LIME1: variants seen among roughly 807,000 people sequenced by gnomAD.
The protein encoded by LIME1 is Lck interacting transmembrane adaptor 1.
In LIME1, 23 loss-of-function variants were observed where a neutral mutation model predicts 18.8. The ratio of observed to expected loss-of-function variants is 1.22; its 90% CI spans 0.88 to 1.73. The LOEUF is 1.73. Among genes scored for constraint, LIME1 ranks in the 40% most tolerant of loss-of-function variants. The pLI is 0.00. For synonymous variants in LIME1, 177 were observed against 182.3 expected (o/e 0.97, Z 0.23); for missense variants, 423 against 396.8 (o/e 1.07, Z -0.56).
At chr20:63,737,767 C>A in intron 2 of LIME1, 54 bp from the exon 3 acceptor site, 1 of 1,419,670 alleles carries the variant, frequency 7.0e-7, no homozygotes, top group East Asian at 2.6e-5. Context: ...CTGCACCGGG[C>A]CTTGGACCCG....
chr20:63,738,529 G>A, intron 5 of LIME1, 30 bp downstream of exon 5: 1 of 1,508,294 alleles, frequency 6.6e-7, no homozygotes. Flanking sequence ...GGCGCTGTGG[G>A]TGGGGCCGGC....
intron 1 of LIME1, 192 bp downstream of exon 1, chr20:63,736,904 C>G (rs556135635): frequency 5.1e-6 from 5 of 985,764 alleles, no homozygotes; most frequent in Admixed American, 6.1e-5. Flanking sequence ...TCCCCCACCC[C>G]GAGAAGTTCT....
At position 63,737,877 on chromosome 20, in the gene LIME1, A is replaced by G. The variant is rs572847837; in HGVS notation, c.155A>G (p.Gln52Arg). ...KRARRQRARL[Q>R]GSATAAEASL... ...GCGCGGAGGCAGCGGGCGAGGCTGC[A>G]GGGCAGTGCGACGGCGGCGGAAGCG... The change falls in exon 3 of 6, where the codon CAG (glutamine) becomes CGG (arginine). Residue 52 changes from glutamine (Q) to arginine (R), a missense_variant. By Grantham distance (43) the Gln-to-Arg change is conservative (BLOSUM62 1). Transcript: ENST00000309546. The G allele has an allele frequency of 6.3e-7, 1 of 1,579,838 alleles. No homozygotes were observed. The highest frequency in any genetic ancestry group is 8.6e-7 in the Non-Finnish European group (1 of 1,168,502).
chr20:63,738,553 G>A (rs1394417360), intron 5 of LIME1, 45 bp from the exon 6 acceptor site: 1 of 1,517,166 alleles, frequency 6.6e-7, no homozygotes, highest in African/African-American at 1.4e-5. Flanking sequence ...TCCTCAGCAG[G>A]TTGGATGGTG....
At position 63,737,917 on chromosome 20, in the gene LIME1, G is replaced by A. The variant is rs748977087; in HGVS notation, c.180+15G>A. The A allele has an allele frequency of 1.9e-6, 3 of 1,580,146 alleles. No homozygotes were observed. The highest frequency in any genetic ancestry group is 2.6e-6 in the Non-Finnish European group (3 of 1,164,808). Reference sequence around the variant, plus strand: ...CGGCGGAAGCGGTGAGTGCCAGGCTGTCCCGGGGACCAGGGTGGGGTCCGC... The same window carrying A: ...CGGCGGAAGCGGTGAGTGCCAGGCTATCCCGGGGACCAGGGTGGGGTCCGC... On this transcript the variant is annotated intron_variant, in intron 3 of 5. Coordinates refer to ENST00000309546, the MANE Select transcript of LIME1 (RefSeq NM_017806.4).
chr20:63,738,390 C>A lies in LIME1; in HGVS notation c.476C>A (p.Ala159Glu), dbSNP rs1158200394. The A allele has an allele frequency of 6.4e-7, 1 of 1,555,178 alleles. No individual in the cohort carries two copies. The highest frequency in any genetic ancestry group is 8.7e-7 in the Non-Finnish European group (1 of 1,150,624). The change falls in exon 5 of 6, where the codon GCG (alanine) becomes GAG (glutamate). Residue 159 changes from alanine (A) to glutamate (E), a missense_variant. Ala to Glu is a moderately radical substitution (Grantham distance 107, BLOSUM62 -1). Transcript: ENST00000309546. ...GCGGCCCTTCCCGGGGTCAGCCTGG[C>A]GGCCAGCCCTGTGGTGGCCGAGTAT... Reference protein sequence around the residue: ...GLAALPGVSLAASPVVAEYAR... With the variant: ...GLAALPGVSLEASPVVAEYAR...
chr20:63,736,867 C>T (rs2091995499), intron 1 of LIME1, 155 bp downstream of exon 1: 2 of 986,962 alleles, frequency 2.0e-6, no homozygotes, highest in African/African-American at 1.7e-5. Flanking sequence ...TCTGTCTCTG[C>T]TGCTGGACTG....
At position 63,737,954 on chromosome 20, in the gene LIME1, C is replaced by T. The variant is rs757027317; in HGVS notation, c.181-19C>T. ...AGGGTGGGGTCCGCAGGGCACCGAC[C>T]AGCCTTCCTCGCCCCCAGTCCCTAC... On this transcript the variant is annotated intron_variant, in intron 3 of 5. Transcript: ENST00000309546. 2 of 1,569,752 alleles carry T rather than the reference C, an allele frequency of 1.3e-6. No homozygotes were observed. The highest frequency in any genetic ancestry group is 8.6e-7 in the Non-Finnish European group (1 of 1,159,078).
chr20:63,736,020 C>T (rs182765586), upstream of LIME1: 62 of 1,501,556 alleles, frequency 4.1e-5, no homozygotes, highest in African/African-American at 4.6e-4. Context: ...TGGCCTGGGG[C>T]GTGCAGACAC....
chr20:63,737,304 ACGGAGGGG>A, intron 1 of LIME1: 6 of 1,261,392 alleles, frequency 4.8e-6, no homozygotes, highest in Non-Finnish European at 6.0e-6. Flanking sequence ...CCGCAGGGAC[ACGGAGGGG>A]CCAGGCAGAG....
At position 63,738,330 on chromosome 20, in the gene LIME1, C is replaced by T. The variant is rs143622346; in HGVS notation, c.416C>T (p.Ala139Val). 2.7e-4 allele frequency: 416 copies of T among 1,559,242 alleles called. 1 individual carries two copies. The highest frequency in any genetic ancestry group is 3.3e-4 in the Middle Eastern group (2 of 5,998). Residue 139 changes from alanine to valine, a missense_variant, in exon 5 of 6, where the codon GCT becomes GTT. Coordinates refer to ENST00000309546, the MANE Select transcript of LIME1 (RefSeq NM_017806.4). Reference protein sequence around the residue: ...LPAAAATAGCAGLEATYSNVG... With the variant: ...LPAAAATAGCVGLEATYSNVG... ...GCAGCTGCAGCCACCGCAGGGTGCG[C>T]TGGCCTCGAGGCCACCTATTCCAAC...
Position 63,737,939 on chromosome 20 carries a change from C to T in LIME1, c.181-34C>T, listed in dbSNP as rs375243078. Reference sequence around the variant, plus strand: ...GCTGTCCCGGGGACCAGGGTGGGGTCCGCAGGGCACCGACCAGCCTTCCTC... The same window carrying T: ...GCTGTCCCGGGGACCAGGGTGGGGTTCGCAGGGCACCGACCAGCCTTCCTC... On this transcript the variant is annotated intron_variant, in intron 3 of 5. Transcript: ENST00000309546. 1.7e-5 allele frequency: 26 copies of T among 1,572,380 alleles called. No homozygotes were observed. In the African/African-American group the frequency reaches 3.1e-4, roughly 19 times the overall value.
chr20:63,738,943 C>A lies in LIME1; in HGVS notation c.*43C>A. 6.9e-7 allele frequency: 1 copy of A among 1,441,674 alleles called. No homozygotes were observed. The highest frequency in any genetic ancestry group is 9.2e-7 in the Non-Finnish European group (1 of 1,086,254). The allele number at this position is 1,441,674 out of a possible 1,614,324, so 89.3% of individuals were successfully genotyped here. ...CTCCTTCCTCCAGAGTGAGGCCCGT[C>A]CCCCGCCCCGCCCCGCCTCACAGCT... On this transcript the variant is annotated 3_prime_UTR_variant, in exon 6 of 6. Coordinates refer to ENST00000309546, the MANE Select transcript of LIME1 (RefSeq NM_017806.4).
intron 2 of LIME1, 69 bp downstream of exon 2, chr20:63,737,716 G>T: frequency 6.9e-7 from 1 of 1,457,828 alleles, no homozygotes; most frequent in Non-Finnish European, 9.0e-7. Flanking sequence ...GCGCGGGAAG[G>T]GGCTGGAGGC....
upstream of LIME1, chr20:63,736,355 C>T (rs45483094): frequency 1.5e-4 from 27 of 183,802 alleles, no homozygotes; most frequent in South Asian, 1.4e-3. Context: ...GCGGGCGAGA[C>T]GGGCGGGAGA....
upstream of LIME1, chr20:63,736,107 T>C (rs2091988015): frequency 1.0e-5 from 8 of 779,998 alleles, no homozygotes; most frequent in Non-Finnish European, 1.6e-5. Context: ...GGCATTTCCT[T>C]GGCAAGGACA....
upstream of LIME1, chr20:63,735,782 C>G (rs139711299): frequency 1.2e-4 from 187 of 1,599,740 alleles, no homozygotes; most frequent in African/African-American, 2.4e-3. Flanking sequence ...CCTCCGCAGG[C>G]ATAGCGTGGC....
In LIME1 at chr20:63,738,073, C is replaced by CG. The variant is rs150938918; in HGVS notation, c.268+17dup. The CG allele has an allele frequency of 5.9e-5, 84 of 1,425,118 alleles. No homozygotes were observed. The highest frequency in any genetic ancestry group is 2.3e-4 in the Middle Eastern group (1 of 4,286). The allele number at this position is 1,425,118 out of a possible 1,614,324, so 88.3% of individuals were successfully genotyped here. The stretch of plus-strand genomic sequence containing the variant: ...CGCAGCAGCAGGGGTGAGCAGAGGG[C>CG]GGGGCGGGGGCGGCCGGGCGGGGCT... On this transcript the variant is annotated intron_variant, in intron 4 of 5. Transcript: ENST00000309546.
chr20:63,736,100 AT>A, upstream of LIME1: 2 of 829,402 alleles, frequency 2.4e-6, no homozygotes, highest in Non-Finnish European at 3.7e-6. Context: ...TGTCTTGGGC[AT>A]TTCCTTGGCA....
Sources: allele counts gnomAD v4.1 joint callset, GRCh38; gene constraint gnomAD v4.1.1; transcripts MANE v1.5; gene names NCBI Gene and HGNC (gene_info 2026-07-23, HGNC 2026-07-21).